ZFPM2: variants seen among roughly 807,000 people sequenced by gnomAD.
The protein encoded by ZFPM2 is zinc finger protein ZFPM2.
Under a neutral mutation model 98.6 loss-of-function variants are expected in ZFPM2, and 20 were observed. The ratio of observed to expected loss-of-function variants is 0.20; its 90% CI spans 0.14 to 0.29. The LOEUF (loss-of-function observed/expected upper bound fraction) is 0.29. ZFPM2 is among the 10% of genes least tolerant of loss of function. The probability of loss-of-function intolerance (pLI) is 1.00; values close to 1 mark genes in which losing one functional copy is unlikely to be tolerated. For missense variants in ZFPM2, 1,310 were observed against 1,388.6 expected (o/e 0.94, Z 0.90); for synonymous variants, 518 against 502.7 (o/e 1.03, Z -0.41).
At chr8:105,697,363 T>C (rs1253169966) in intron 5 of ZFPM2, among the ~76,000 whole-genome samples, 2 of 152,212 alleles carry the variant, frequency 1.3e-5, no homozygotes, top group East Asian at 3.9e-4. Flanking sequence ...GAACTAACAA[T>C]TTCCATAATG....
At chr8:105,416,017 T>C (rs1811673683) in intron 1 of ZFPM2, among the ~76,000 whole-genome samples, 1 of 152,030 alleles carries the variant, frequency 6.6e-6, no homozygotes, top group African/African-American at 2.4e-5. Context: ...AACATATAGG[T>C]GCTTCTTTTT....
At chr8:105,769,492 G>A (rs10105425) in intron 5 of ZFPM2, among the ~76,000 whole-genome samples, 41,201 of 151,758 alleles carry the variant, frequency 0.27, 7,179 homozygotes, top group African/African-American at 0.48. Context: ...ACCTCTCCTA[G>A]ACTTCCCACT....
At chr8:105,454,824 T>C (rs1358367005) in intron 3 of ZFPM2, among the ~76,000 whole-genome samples, 1 of 152,202 alleles carries the variant, frequency 6.6e-6, no homozygotes, top group Non-Finnish European at 1.5e-5. Context: ...AGTGAATTGG[T>C]GCCTTCACCC....
chr8:105,333,306 A>G (rs1812267266), intron 1 of ZFPM2, among the ~76,000 whole-genome samples: 1 of 151,736 alleles, frequency 6.6e-6, no homozygotes, highest in Admixed American at 6.6e-5. Flanking sequence ...GTAGTTTAGT[A>G]TGAATATTTT....
At chr8:105,451,928 T>C (rs950888465) in intron 3 of ZFPM2, among the ~76,000 whole-genome samples, 1 of 152,212 alleles carries the variant, frequency 6.6e-6, no homozygotes, top group African/African-American at 2.4e-5. Context: ...AAAAATATAT[T>C]ATTTCTATGA....
chr8:105,582,220 AG>A (rs1427862910), intron 4 of ZFPM2, among the ~76,000 whole-genome samples: 5 of 152,242 alleles, frequency 3.3e-5, no homozygotes, highest in African/African-American at 1.2e-4. Context: ...CCTACCCTGA[AG>A]GGAACACATA....
intron 4 of ZFPM2, among the ~76,000 whole-genome samples, chr8:105,570,963 G>A (rs1389399242): frequency 1.3e-5 from 2 of 152,134 alleles, no homozygotes; most frequent in Non-Finnish European, 2.9e-5. Context: ...AACTTTTGTT[G>A]AAGATGATCT....
At position 105,789,148 on chromosome 8, in the gene ZFPM2, A is replaced by G. The variant is rs546592518; in HGVS notation, c.739+224A>G. 73 of 404,068 alleles carry G rather than the reference A, an allele frequency of 1.8e-4. 1 individual carries two copies. Among genetic ancestry groups the G allele is most frequent in the African/African-American group, 1.2e-3 (58 of 49,928 alleles). The allele number at this position is 404,068 out of a possible 1,614,324, so 25.0% of individuals were successfully genotyped here. ...TGTGCACAATGTGCAGGTTAGTTAC[A>G]TATGTATACATGTGACATGCTGGTG... On this transcript the variant is annotated intron_variant, in intron 6 of 7. Coordinates refer to ENST00000407775, the MANE Select transcript of ZFPM2 (RefSeq NM_012082.4).
chr8:105,319,091 G>T, intron 1 of ZFPM2, 110 bp downstream of exon 1: 1 of 1,291,022 alleles, frequency 7.7e-7, no homozygotes. Context: ...TCCGCTCCCG[G>T]TCCCCTAGAT....
At chr8:105,423,636 A>T (rs1811847173) in intron 2 of ZFPM2, among the ~76,000 whole-genome samples, 1 of 152,182 alleles carries the variant, frequency 6.6e-6, no homozygotes, top group Non-Finnish European at 1.5e-5. Context: ...TTTTCGTTTC[A>T]GTTATTTTGT....
At chr8:105,624,639 AATG>A (rs1816616970) in intron 4 of ZFPM2, among the ~76,000 whole-genome samples, 1 of 152,132 alleles carries the variant, frequency 6.6e-6, no homozygotes, top group Non-Finnish European at 1.5e-5. Context: ...AATATCATGA[AATG>A]ATATTTGGAA....
chr8:105,569,308 C>T (rs1046594137), intron 4 of ZFPM2, among the ~76,000 whole-genome samples: 13 of 152,092 alleles, frequency 8.5e-5, no homozygotes, highest in African/African-American at 2.7e-4. Context: ...TTAATTTTTT[C>T]CTTTCACTTT....
intron 4 of ZFPM2, among the ~76,000 whole-genome samples, chr8:105,609,722 G>A (rs184046442): frequency 1.1e-4 from 16 of 152,206 alleles, no homozygotes. Flanking sequence ...ATTCTTCCTA[G>A]CAAATGTTAA....
intron 5 of ZFPM2, among the ~76,000 whole-genome samples, chr8:105,706,882 T>A (rs1811276327): frequency 6.6e-6 from 1 of 152,110 alleles, no homozygotes; most frequent in Admixed American, 6.5e-5. Context: ...GCCCTGCCCC[T>A]CTTGGTTTTA....
chr8:105,646,050 G>A (rs1198630780), intron 5 of ZFPM2, among the ~76,000 whole-genome samples: 2 of 72,082 alleles, frequency 2.8e-5, no homozygotes, highest in Non-Finnish European at 5.4e-5. Flanking sequence ...GACTCCATCT[G>A]GAAAAAAAAA....
At chr8:105,532,595 G>A (rs1341213048) in intron 3 of ZFPM2, among the ~76,000 whole-genome samples, 1 of 152,150 alleles carries the variant, frequency 6.6e-6, no homozygotes, top group Non-Finnish European at 1.5e-5. Flanking sequence ...TTTCCCCCAT[G>A]TTAATGAATA....
intron 5 of ZFPM2, among the ~76,000 whole-genome samples, chr8:105,649,364 C>T (rs1817121242): frequency 6.6e-6 from 1 of 152,022 alleles, no homozygotes; most frequent in African/African-American, 2.4e-5. Flanking sequence ...AATTGAATAC[C>T]CTTTATTTCT....
chr8:105,452,364 A>G (rs1414911210), intron 3 of ZFPM2, among the ~76,000 whole-genome samples: 1 of 152,182 alleles, frequency 6.6e-6, no homozygotes, highest in Non-Finnish European at 1.5e-5. Flanking sequence ...AATGCATCTC[A>G]ACAGGGCACT....
rs1812737300 is a variant in ZFPM2 at position 105,463,320 on chromosome 8, TATAG to T, written c.301+18941_301+18944del. ...GTATATATATACACATATATACATA[TATAG>T]AGTTTTTATAAGCTATATATGTGTG... On this transcript the variant is annotated intron_variant, in intron 3 of 7. Transcript: ENST00000407775. 2.6e-5 allele frequency among the ~76,000 whole-genome samples: 4 copies of T among 151,982 alleles called. No individual in the cohort carries two copies. In the South Asian group the frequency reaches 6.2e-4, roughly 24 times the overall value.
Sources: gnomAD v4.1 joint callset for allele counts (sites outside exome capture counted in the v4.1 genomes callset) on GRCh38, gnomAD v4.1.1 for gene constraint, MANE v1.5 for transcripts, NCBI Gene and HGNC (gene_info 2026-07-23, HGNC 2026-07-21) for gene names.